Variants in MGA observed in about 807,000 individuals in gnomAD.
MGA encodes MAX gene-associated protein.
A neutral mutation model predicts 261.1 loss-of-function variants in MGA; 40 were observed. That is an observed-to-expected ratio of 0.15 (90% CI 0.12 to 0.20). The LOEUF (loss-of-function observed/expected upper bound fraction) is 0.20. MGA is among the 10% of genes least tolerant of loss of function. MGA has a pLI of 1.00. For synonymous variants in MGA, 1,302 were observed against 1,290.6 expected, an observed-to-expected ratio of 1.01 and a Z score of -0.19; for missense variants, 3,397 against 3,630.5, an observed-to-expected ratio of 0.94 and a Z score of 1.65.
intron 11 of MGA, among the ~76,000 whole-genome samples, chr15:41,729,992 A>G (rs2061428127): frequency 6.6e-6 from 1 of 152,044 alleles, no homozygotes; most frequent in African/African-American, 2.4e-5. Context: ...TCTTGGGTAC[A>G]AGCAATTCTC....
intron 1 of MGA, among the ~76,000 whole-genome samples, chr15:41,625,719 A>AT (rs2056433988): frequency 6.6e-6 from 1 of 152,166 alleles, no homozygotes; most frequent in South Asian, 2.1e-4. Context: ...CAAAAAATAA[A>AT]TAAATAAAAA....
intron 1 of MGA, among the ~76,000 whole-genome samples, chr15:41,643,763 CTT>C (rs748421290): frequency 1.2e-4 from 17 of 138,030 alleles, no homozygotes; most frequent in Admixed American, 1.5e-4. Flanking sequence ...TTGTGTCATA[CTT>C]TTTTTTTTTT....
In MGA at chr15:41,711,317, G is replaced by C. The variant is rs763423523; in HGVS notation, c.3052G>C (p.Asp1018His). ...GACATACATCACAGAAGAGCGAGCA[G>C]ATGTATCCTTAACAACTCTACTTAC... Residue 1018 changes from aspartate to histidine, a missense_variant, in exon 8 of 24, where the codon GAT becomes CAT. Physicochemically the swap from Asp to His is moderately conservative, Grantham distance 81. Transcript: ENST00000219905. 1.9e-5 allele frequency: 30 copies of C among 1,611,888 alleles called. No homozygotes were observed. Among genetic ancestry groups the C allele is most frequent in the Non-Finnish European group, 2.5e-5 (30 of 1,179,112 alleles).
chr15:41,722,639 C>T (rs2061012823), intron 9 of MGA, among the ~76,000 whole-genome samples: 1 of 152,100 alleles, frequency 6.6e-6, no homozygotes, highest in Non-Finnish European at 1.5e-5. Flanking sequence ...GAGCTGTATA[C>T]TGTTTATGTA....
At chr15:41,726,588 G>A (rs2061259580) in intron 9 of MGA, among the ~76,000 whole-genome samples, 3 of 152,000 alleles carry the variant, frequency 2.0e-5, no homozygotes, top group Admixed American at 1.3e-4. Flanking sequence ...AATTAGCCAG[G>A]TGTGGTGGCA....
chr15:41,724,847 A>G (rs551264552), intron 9 of MGA, among the ~76,000 whole-genome samples: 1 of 152,208 alleles, frequency 6.6e-6, no homozygotes, highest in African/African-American at 2.4e-5. Context: ...CCTTTATTCA[A>G]ATTTTGTGAT....
At chr15:41,657,208 A>G (rs896683973), upstream of MGA, among the ~76,000 whole-genome samples, 3 of 152,116 alleles carry the variant, frequency 2.0e-5, no homozygotes, top group Non-Finnish European at 4.4e-5. Context: ...ATTGGTGGCA[A>G]TCATACTTTG....
At chr15:41,621,331 G>C (rs1461156760) in intron 1 of MGA, 2 of 152,240 alleles carry the variant, frequency 1.3e-5, no homozygotes, top group African/African-American at 4.8e-5. Context: ...TTGAGCCTCT[G>C]GTTTCTCGTT....
At chr15:41,727,453 G>A (rs1474955241) in intron 10 of MGA, 47 bp downstream of exon 10, 1 of 1,537,452 alleles carries the variant, frequency 6.5e-7, no homozygotes, top group Admixed American at 1.8e-5. Flanking sequence ...AAAGTCATGT[G>A]TAAAGATGGT....
intron 5 of MGA, among the ~76,000 whole-genome samples, chr15:41,703,779 C>T (rs1486339707): frequency 1.3e-5 from 2 of 152,102 alleles, no homozygotes; most frequent in Non-Finnish European, 2.9e-5. Context: ...AGTGTGGACT[C>T]TTGTCAGTTT....
At chr15:41,658,373 A>G (rs2057251069), upstream of MGA, among the ~76,000 whole-genome samples, 1 of 152,248 alleles carries the variant, frequency 6.6e-6, no homozygotes, top group African/African-American at 2.4e-5. Context: ...TATCCAAAGT[A>G]TACAACCAAG....
At position 41,750,055 on chromosome 15, in the gene MGA, C is replaced by G; in HGVS notation, c.6448C>G (p.Gln2150Glu). The change falls in exon 17 of 24, where the codon CAG becomes GAG. Residue 2150 changes from glutamine (Q) to glutamate (E), a missense_variant. Physicochemically the swap from Gln to Glu is conservative, Grantham distance 29 (BLOSUM62 2). Around this residue, in one of 9 missense-constraint regions of MGA, gnomAD observed 1,410 missense variants for 1,386.4 expected, o/e 1.02. Transcript: ENST00000219905. The stretch of plus-strand genomic sequence containing the variant: ...ATTGTCAGGAAGCAAAGTTATGGAG[C>G]AGCAATCTAATCTACAGCCAGAGGC... The G allele has an allele frequency of 4.3e-6, 7 of 1,613,272 alleles. No homozygotes were observed. The highest frequency in any genetic ancestry group is 5.9e-6 in the Non-Finnish European group (7 of 1,179,624).
At chr15:41,650,235 A>G (rs17733703) in intron 1 of MGA, among the ~76,000 whole-genome samples, 3 of 151,944 alleles carry the variant, frequency 2.0e-5, no homozygotes, top group Non-Finnish European at 4.4e-5. Flanking sequence ...TGTACATGGT[A>G]AGTGCTCAAT....
intron 2 of MGA, among the ~76,000 whole-genome samples, chr15:41,674,532 T>A (rs950158435): frequency 2.6e-5 from 4 of 151,654 alleles, no homozygotes; most frequent in Admixed American, 2.6e-4. Context: ...TTTTTATTTT[T>A]TTTTTTAGAC....
chr15:41,762,462 T>TTTTTTTG (rs2063527074), intron 22 of MGA, 100 bp downstream of exon 22: 1 of 66,054 alleles, frequency 1.5e-5, no homozygotes, highest in African/African-American at 9.0e-5. Flanking sequence ...TTTTGTGTGG[T>TTTTTTTG]TTTTTTTTTT....
intron 13 of MGA, among the ~76,000 whole-genome samples, chr15:41,739,118 T>C (rs1470771281): frequency 1.3e-5 from 2 of 152,066 alleles, no homozygotes; most frequent in African/African-American, 4.8e-5. Context: ...AAGTTTTTGT[T>C]TTCTTTCTTT....
chr15:41,676,058 G>C lies in MGA; in HGVS notation c.1064+6100G>C, dbSNP rs377537424. On this transcript the variant is annotated intron_variant, in intron 2 of 23. Transcript: ENST00000219905. ...ATAGTTTTCAGATGTTTTTCTGTTTGGTTAGTTGATTGCACACTACCATGG... is the reference window on the plus strand; with the variant it reads ...ATAGTTTTCAGATGTTTTTCTGTTTCGTTAGTTGATTGCACACTACCATGG... Among the ~76,000 whole-genome samples the C allele has an allele frequency of 6.6e-5, 10 of 152,268 alleles. No individual in the cohort carries two copies. The East Asian group carries it at 1.9e-3, about 29-fold the overall frequency.
intron 12 of MGA, 31 bp downstream of exon 12, chr15:41,734,625 A>G (rs1259896902): frequency 1.4e-6 from 2 of 1,474,760 alleles, no homozygotes; most frequent in Admixed American, 2.1e-5. Flanking sequence ...TTAACATTTG[A>G]TAAAAATTAT....
chr15:41,749,071 AG>A (rs2062680870), intron 16 of MGA, 39 bp from the exon 17 acceptor site: 1 of 1,576,758 alleles, frequency 6.3e-7, no homozygotes, highest in Non-Finnish European at 8.6e-7. Flanking sequence ...TGATATGGGC[AG>A]TCATGATTTA....
Sources: allele counts gnomAD v4.1 joint callset (sites outside exome capture counted in the v4.1 genomes callset), GRCh38; gene constraint gnomAD v4.1.1; regional missense constraint gnomAD v4.1.1; transcripts MANE v1.5; gene names NCBI Gene and HGNC (gene_info 2026-07-23, HGNC 2026-07-21).